The following GARRE1 variants were observed in gnomAD, a reference collection of about 807,000 sequenced individuals.
GARRE1 encodes the protein granule associated Rac and RHOG effector protein 1.
GARRE1 carries 49 observed loss-of-function variants against 103.2 expected under a neutral mutation model. That is an observed-to-expected ratio of 0.47 (90% CI 0.38 to 0.60). GARRE1 has a LOEUF of 0.60. GARRE1 is among the 20% of genes least tolerant of loss of function. GARRE1 has a pLI of 0.00. For synonymous variants in GARRE1, 505 were observed against 532.8 expected, an observed-to-expected ratio of 0.95 and a Z score of 0.72; for missense variants, 1,199 against 1,370.5, an observed-to-expected ratio of 0.87 and a Z score of 1.98.
At chr19:34,321,223 A>ATTT (rs71165648) in intron 3 of GARRE1, among the ~76,000 whole-genome samples, 52 of 77,368 alleles carry the variant, frequency 6.7e-4, no homozygotes, top group Non-Finnish European at 1.1e-3. Flanking sequence ...AGCCCGGCTA[A>ATTT]TTTTTTTTTT....
At position 34,311,475 on chromosome 19, in the gene GARRE1, A is replaced by T. The variant is rs140623336; in HGVS notation, c.496-8432A>T. The stretch of plus-strand genomic sequence containing the variant: ...TTTATAATCGTGAAGTCACCTAGAA[A>T]TAGGAGCCTCGCATGAGTGTGCCGA... On this transcript the variant is annotated intron_variant, in intron 2 of 13. Transcript: ENST00000299505. 2.0e-5 allele frequency among the ~76,000 whole-genome samples: 3 copies of T among 152,254 alleles called. No individual in the cohort carries two copies. The East Asian group carries it at 5.8e-4, about 29-fold the overall frequency.
At chr19:34,285,530 T>C (rs1036059792) in intron 1 of GARRE1, among the ~76,000 whole-genome samples, 1 of 151,282 alleles carries the variant, frequency 6.6e-6, no homozygotes, top group African/African-American at 2.4e-5. Context: ...GGCTGAGGCA[T>C]GAGAATTGCC....
chr19:34,335,133 C>G (rs1353049556), intron 8 of GARRE1, among the ~76,000 whole-genome samples: 1 of 151,984 alleles, frequency 6.6e-6, no homozygotes, highest in Non-Finnish European at 1.5e-5. Flanking sequence ...AGTGACAATA[C>G]TAGTTTGAGC....
intron 1 of GARRE1, among the ~76,000 whole-genome samples, chr19:34,257,402 A>C (rs910609092): frequency 6.6e-6 from 1 of 151,616 alleles, no homozygotes. Context: ...CAGTGGCGCA[A>C]TCTTGGCTTA....
At chr19:34,338,409 C>T (rs575459175) in intron 8 of GARRE1, among the ~76,000 whole-genome samples, 54 of 152,268 alleles carry the variant, frequency 3.5e-4, no homozygotes, top group African/African-American at 1.1e-3. Flanking sequence ...CGGTGGCACA[C>T]GCCTGTAGTT....
chr19:34,317,502 A>T (rs922246163), intron 2 of GARRE1, among the ~76,000 whole-genome samples: 9 of 152,034 alleles, frequency 5.9e-5, no homozygotes, highest in Non-Finnish European at 1.3e-4. Flanking sequence ...GTCCCTGAGG[A>T]GCCGGCTCAC....
chr19:34,313,770 G>A (rs1287393631), intron 2 of GARRE1, among the ~76,000 whole-genome samples: 1 of 152,062 alleles, frequency 6.6e-6, no homozygotes. Context: ...TGCCCACAAT[G>A]TAAACTTGTT....
chr19:34,350,025 C>T (rs915324476), intron 12 of GARRE1, among the ~76,000 whole-genome samples: 2 of 152,202 alleles, frequency 1.3e-5, no homozygotes, highest in South Asian at 4.1e-4. Flanking sequence ...TGCCACTGCA[C>T]TCTAGCCTGG....
intron 1 of GARRE1, among the ~76,000 whole-genome samples, chr19:34,258,358 A>C (rs1465775042): frequency 6.6e-6 from 1 of 152,162 alleles, no homozygotes; most frequent in African/African-American, 2.4e-5. Context: ...CTGGGTAGAG[A>C]ACCACCTCAT....
chr19:34,307,571 A>G (rs1050620653), intron 2 of GARRE1, among the ~76,000 whole-genome samples: 2 of 147,500 alleles, frequency 1.4e-5, no homozygotes, highest in Non-Finnish European at 3.0e-5. Context: ...TGTATTTTTT[A>G]TATATGTATG....
rs115375676 is a variant in GARRE1, at chr19:34,274,788, G to A, written c.-796+20174G>A. 2.8e-3 allele frequency among the ~76,000 whole-genome samples: 434 copies of A among 152,308 alleles called. 3 individuals are homozygous for A. Among genetic ancestry groups the A allele is most frequent in the African/African-American group, 0.01 (419 of 41,560 alleles). The stretch of plus-strand genomic sequence containing the variant: ...GGTATGAGGAGAGCCAGCACTAAGC[G>A]TCTTTTCGTGTTAGCAGCTTACAGA... On this transcript the variant is annotated intron_variant, in intron 1 of 13. Transcript: ENST00000299505.
At chr19:34,308,238 C>CT (rs753284001) in intron 2 of GARRE1, among the ~76,000 whole-genome samples, 2,636 of 99,350 alleles carry the variant, frequency 0.027, 24 homozygotes, top group African/African-American at 0.034. Context: ...CATCCTGTTC[C>CT]TTTTTTTTTT....
rs1412684575 is a variant in GARRE1, at chr19:34,307,791, A to AT, written c.495+6824dup. Among the ~76,000 whole-genome samples, 6 of 117,132 alleles carry AT rather than the reference A, an allele frequency of 5.1e-5. No homozygotes were observed. In the East Asian group the frequency reaches 1.3e-3, roughly 25 times the overall value. 76.8% of individuals were successfully genotyped at this position (117,132 alleles called of 152,430 possible). On this transcript the variant is annotated intron_variant, in intron 2 of 13. Coordinates refer to ENST00000299505, the MANE Select transcript of GARRE1 (RefSeq NM_014686.5). ...ATATATACTATAAAATATATATACT[A>AT]TAAAAAAAAAATATATATATATATT... is the stretch of plus-strand genomic sequence containing the variant.
intron 12 of GARRE1, among the ~76,000 whole-genome samples, chr19:34,349,460 G>A (rs1294701438): frequency 6.6e-6 from 1 of 152,186 alleles, no homozygotes; most frequent in African/African-American, 2.4e-5. Context: ...TTCTAATCTG[G>A]ACTCACCAAC....
chr19:34,296,168 C>G (rs1044129854), intron 1 of GARRE1: 2 of 308,622 alleles, frequency 6.5e-6, no homozygotes, highest in Non-Finnish European at 1.2e-5. Context: ...TTTTTTCTTG[C>G]GTCAGTTTGT....
At chr19:34,269,687 T>C (rs1250878782) in intron 1 of GARRE1, among the ~76,000 whole-genome samples, 1 of 152,192 alleles carries the variant, frequency 6.6e-6, no homozygotes, top group South Asian at 2.1e-4. Context: ...CTTGGCCGTC[T>C]GAAGTGTTAG....
rs200482388 is a variant in GARRE1, at chr19:34,320,035, C to T, written c.624C>T (p.Ser208=). 1.5e-5 allele frequency: 24 copies of T among 1,614,220 alleles called. No homozygotes were observed. The highest frequency in any genetic ancestry group is 3.3e-5 in the Admixed American group (2 of 60,028). ...TCATCGTGCCAGAAAAAAAGAACAG[C>T]GGCAGTGGCGGCGGCTTATCTGGCA... ...AEVIVPEKKN[S]GSGGGLSGMG... is the part of the protein sequence containing the mutation. Residue 208 remains serine (S), a synonymous_variant, in exon 3 of 14, where the codon AGC becomes AGT. Transcript: ENST00000299505.
intron 2 of GARRE1, among the ~76,000 whole-genome samples, chr19:34,302,491 A>G (rs776393382): frequency 9.9e-5 from 15 of 151,186 alleles, no homozygotes; most frequent in Non-Finnish European, 1.8e-4. Flanking sequence ...ACAGGGTTTC[A>G]CCATCTTGGC....
intron 1 of GARRE1, among the ~76,000 whole-genome samples, chr19:34,274,222 A>G (rs2073803889): frequency 6.6e-6 from 1 of 151,972 alleles, no homozygotes; most frequent in African/African-American, 2.4e-5. Flanking sequence ...CCTGACCAAT[A>G]TGGAGAAACC....
Sources: gnomAD v4.1 joint callset for allele counts (sites outside exome capture counted in the v4.1 genomes callset) on GRCh38, gnomAD v4.1.1 for gene constraint, MANE v1.5 for transcripts, NCBI Gene and HGNC (gene_info 2026-07-23, HGNC 2026-07-21) for gene names.